UBE4A: variants seen among roughly 807,000 people sequenced by gnomAD.
UBE4A encodes ubiquitin conjugation factor E4 A.
A neutral mutation model predicts 117.9 loss-of-function variants in UBE4A; 48 were observed. The observed-to-expected ratio is 0.41, with a 90% CI of 0.32 to 0.52. The LOEUF (loss-of-function observed/expected upper bound fraction) is 0.52. UBE4A is among the 20% of genes least tolerant of loss of function. The probability of loss-of-function intolerance (pLI) is 0.33; values close to 1 mark genes in which losing one functional copy is unlikely to be tolerated. For missense variants in UBE4A, 1,067 were observed against 1,296.3 expected (o/e 0.82, Z 2.72); for synonymous variants, 407 against 450.0 (o/e 0.90, Z 1.21).
intron 11 of UBE4A, 85 bp downstream of exon 11, chr11:118,379,835 C>T (rs1285380458): frequency 4.9e-6 from 7 of 1,423,198 alleles, no homozygotes; most frequent in Non-Finnish European, 5.7e-6. Context: ...CCTCAAAATA[C>T]CCTTTCTTCG....
chr11:118,393,832 G>A (rs1555129070), intron 19 of UBE4A, among the ~76,000 whole-genome samples: 1 of 152,178 alleles, frequency 6.6e-6, no homozygotes, highest in Non-Finnish European at 1.5e-5. Flanking sequence ...CTGATTTCAA[G>A]TGATCCTCCC....
At chr11:118,387,435 C>G (rs1434341505) in intron 16 of UBE4A, among the ~76,000 whole-genome samples, 2 of 151,970 alleles carry the variant, frequency 1.3e-5, no homozygotes, top group African/African-American at 4.8e-5. Flanking sequence ...TCAAGGAACT[C>G]TTCTATGAAC....
At position 118,399,088 on chromosome 11, in the gene UBE4A, T is replaced by C. The variant is rs1265720220; in HGVS notation, c.*2648T>C. ...TAGAAACAGAAAATGAAAAGGTTGA[T>C]TGAAATAAAACTTGATCAACGCGAC... is the stretch of plus-strand genomic sequence containing the variant. On this transcript the variant is annotated 3_prime_UTR_variant, in exon 20 of 20. Transcript: ENST00000252108. The C allele has an allele frequency of 2.2e-6, 1 of 456,332 alleles. No individual in the cohort carries two copies. The highest frequency in any genetic ancestry group is 2.0e-5 in the African/African-American group (1 of 50,084). 28.3% of individuals were successfully genotyped at this position (456,332 alleles called of 1,614,324 possible).
chr11:118,372,897 C>G (rs1207004588), intron 6 of UBE4A, among the ~76,000 whole-genome samples, 189 bp from the exon 7 acceptor site: 1 of 151,272 alleles, frequency 6.6e-6, no homozygotes, highest in East Asian at 1.9e-4. Flanking sequence ...CCCTTGAGCC[C>G]AGGAGTTTGA....
intron 13 of UBE4A, 49 bp downstream of exon 13, chr11:118,382,825 G>A (rs1948717623): frequency 6.9e-7 from 1 of 1,440,816 alleles, no homozygotes; most frequent in Admixed American, 2.1e-5. Flanking sequence ...TGATACCAGT[G>A]GAGTTTCATA....
At chr11:118,367,285 A>G (rs1187465151) in intron 2 of UBE4A, among the ~76,000 whole-genome samples, 3 of 152,172 alleles carry the variant, frequency 2.0e-5, no homozygotes, top group Non-Finnish European at 4.4e-5. Context: ...CAATAAGAAA[A>G]AAATAACAAG....
At chr11:118,371,048 A>G (rs1024684408) in intron 4 of UBE4A, among the ~76,000 whole-genome samples, 7 of 152,218 alleles carry the variant, frequency 4.6e-5, no homozygotes, top group Admixed American at 3.9e-4. Flanking sequence ...CATATAAACC[A>G]CAGCACTTTA....
rs200565698 is a variant in UBE4A, at chr11:118,384,983, A to G, written c.2412+38A>G. The G allele has an allele frequency of 5.0e-5, 75 of 1,490,480 alleles. No individual in the cohort carries two copies. The African/African-American group carries it at 7.9e-4, about 16-fold the overall frequency. The allele number at this position is 1,490,480 out of a possible 1,614,324, so 92.3% of individuals were successfully genotyped here. A position where few individuals can be genotyped will look rare whatever the true frequency, so the allele number is the denominator to read the frequency against. Reference sequence around the variant, plus strand: ...AAAAAAAAAAAGATTTAACTTCTCCATACCATCAAATCATCAGCAGTACAT... The same window carrying G: ...AAAAAAAAAAAGATTTAACTTCTCCGTACCATCAAATCATCAGCAGTACAT... On this transcript the variant is annotated intron_variant, in intron 15 of 19. Transcript: ENST00000252108.
At chr11:118,375,331 AAG>A (rs781979628) in intron 9 of UBE4A, 102 bp downstream of exon 9, 90 of 1,200,894 alleles carry the variant, frequency 7.5e-5, no homozygotes, top group Non-Finnish European at 9.9e-5. Context: ...TTCTCAAAAA[AAG>A]ATGAGGCAGA....
Position 118,384,954 on chromosome 11 carries a change from A to AG in UBE4A, c.2412+9_2412+10insG, listed in dbSNP as rs1442900159. On this transcript the variant is annotated intron_variant, in intron 15 of 19. Coordinates refer to ENST00000252108, the MANE Select transcript of UBE4A (RefSeq NM_001204077.2). Reference sequence around the variant, plus strand: ...TGGATGAAGCCATACAGGTAAAAAAAAAAAAAAAAAAAAAGATTTAACTTC... The same window carrying AG: ...TGGATGAAGCCATACAGGTAAAAAAAGAAAAAAAAAAAAAAGATTTAACTTC... 5.2e-6 allele frequency: 8 copies of AG among 1,537,086 alleles called. No homozygotes were observed. In the East Asian group the frequency reaches 1.8e-4, roughly 35 times the overall value.
At chr11:118,391,649 C>T (rs1441604646) in intron 18 of UBE4A, among the ~76,000 whole-genome samples, 1 of 151,728 alleles carries the variant, frequency 6.6e-6, no homozygotes, top group Non-Finnish European at 1.5e-5. Context: ...AAAAAATTAG[C>T]CGGGCGTGGT....
At chr11:118,381,311 G>A in intron 11 of UBE4A, 80 bp from the exon 12 acceptor site, 1 of 1,531,574 alleles carries the variant, frequency 6.5e-7, no homozygotes, top group Non-Finnish European at 8.9e-7. Context: ...CATTAAGTAG[G>A]GTGAAAGGAA....
intron 10 of UBE4A, among the ~76,000 whole-genome samples, chr11:118,377,483 C>G (rs1555125557): frequency 6.6e-6 from 1 of 151,850 alleles, no homozygotes; most frequent in Non-Finnish European, 1.5e-5. Context: ...GCTGGGATTA[C>G]AGGCATGAGC....
intron 1 of UBE4A, among the ~76,000 whole-genome samples, chr11:118,361,108 C>T (rs922752737): frequency 3.3e-5 from 5 of 151,342 alleles, no homozygotes; most frequent in African/African-American, 1.2e-4. Context: ...CCTCCATCTC[C>T]CAGTTTAAAA....
chr11:118,395,437 A>AT (rs1555129477), intron 19 of UBE4A, among the ~76,000 whole-genome samples: 1 of 152,258 alleles, frequency 6.6e-6, no homozygotes, highest in East Asian at 1.9e-4. Flanking sequence ...TTCTTAAAAC[A>AT]TTACAAGAAC....
chr11:118,373,358 G>C, intron 7 of UBE4A, 70 bp downstream of exon 7: 1 of 1,568,582 alleles, frequency 6.4e-7, no homozygotes, highest in Non-Finnish European at 8.7e-7. Context: ...CTATCCTGAA[G>C]ACACTATAAT....
Position 118,379,341 on chromosome 11 carries a change from C to T in UBE4A, c.1572-105C>T, listed in dbSNP as rs1357422009. The T allele has an allele frequency of 2.3e-6, 3 of 1,290,892 alleles. No homozygotes were observed. The African/African-American group carries it at 4.4e-5, about 19-fold the overall frequency. The allele number at this position is 1,290,892 out of a possible 1,614,324, so 80.0% of individuals were successfully genotyped here. A position where few individuals can be genotyped will look rare whatever the true frequency, so the allele number is the denominator to read the frequency against. On this transcript the variant is annotated intron_variant, in intron 10 of 19. Coordinates refer to ENST00000252108, the MANE Select transcript of UBE4A (RefSeq NM_001204077.2). ...GCCTTCTGTGTCATTGCAACTGCAA[C>T]TCCCTACTATCCTTAAAGAGAAGGC...
chr11:118,396,294 C>T lies in UBE4A; in HGVS notation c.3075-20C>T. 1 of 1,604,226 alleles carries T rather than the reference C, an allele frequency of 6.2e-7. No individual in the cohort carries two copies. Among genetic ancestry groups the T allele is most frequent in the South Asian group, 1.1e-5 (1 of 89,280 alleles). The stretch of plus-strand genomic sequence containing the variant: ...GAACTTATGGAAATAACCCTATTTC[C>T]CTTTCTCTCTTTGTCCCAGTGACCA... On this transcript the variant is annotated intron_variant, in intron 19 of 19. Transcript: ENST00000252108.
intron 16 of UBE4A, among the ~76,000 whole-genome samples, chr11:118,388,614 G>A (rs1038629182): frequency 3.0e-4 from 45 of 150,248 alleles, no homozygotes; most frequent in Non-Finnish European, 5.8e-4. Context: ...ACGCCACTGC[G>A]CTCCAGCCTA....
Sources: gnomAD v4.1 joint callset for allele counts (sites outside exome capture counted in the v4.1 genomes callset) on GRCh38, gnomAD v4.1.1 for gene constraint, MANE v1.5 for transcripts, NCBI Gene and HGNC (gene_info 2026-07-23, HGNC 2026-07-21) for gene names.